MRPL48: variants seen among roughly 807,000 people sequenced by gnomAD.
MRPL48 encodes the protein mitochondrial ribosomal protein L48, also known as large ribosomal subunit protein mL48.
MRPL48 carries 16 observed loss-of-function variants against 32.9 expected under a neutral mutation model. That is an observed-to-expected ratio of 0.49 (90% confidence interval 0.33 to 0.74). MRPL48 has a LOEUF of 0.74. Among genes scored for constraint, MRPL48 ranks in the 30% least tolerant of loss-of-function variants. MRPL48 has a pLI of 0.02. For missense variants in MRPL48, 206 were observed against 245.3 expected (o/e 0.84, Z 1.07); for synonymous variants, 94 against 89.2 (o/e 1.05, Z -0.31).
chr11:73,836,595 T>C (rs543486015), intron 4 of MRPL48, among the ~76,000 whole-genome samples: 2 of 152,286 alleles, frequency 1.3e-5, no homozygotes, highest in African/African-American at 4.8e-5. Context: ...AACATATATA[T>C]TATTTAAGCC....
chr11:73,814,831 T>TA (rs769449475), intron 3 of MRPL48, among the ~76,000 whole-genome samples: 142 of 151,362 alleles, frequency 9.4e-4, no homozygotes, highest in African/African-American at 3.0e-3. Context: ...CTGTCTCTAC[T>TA]AAAAGTACAA....
At chr11:73,800,612 A>C (rs965915868) in intron 1 of MRPL48, among the ~76,000 whole-genome samples, 1 of 152,032 alleles carries the variant, frequency 6.6e-6, no homozygotes, top group Non-Finnish European at 1.5e-5. Flanking sequence ...TTCCACTTGC[A>C]GGGCCAGAGC....
intron 3 of MRPL48, among the ~76,000 whole-genome samples, chr11:73,822,581 T>C (rs1350514950): frequency 1.3e-5 from 2 of 152,208 alleles, no homozygotes; most frequent in Non-Finnish European, 2.9e-5. Context: ...GGATTGTAAA[T>C]GTGGAGAAGT....
At chr11:73,843,894 C>A (rs1016054985) in intron 4 of MRPL48, among the ~76,000 whole-genome samples, 3 of 152,018 alleles carry the variant, frequency 2.0e-5, no homozygotes, top group Non-Finnish European at 2.9e-5. Flanking sequence ...GTCTGGCCAA[C>A]CTTGGTAAAC....
At chr11:73,840,196 A>G (rs1948164366) in intron 4 of MRPL48, among the ~76,000 whole-genome samples, 1 of 152,144 alleles carries the variant, frequency 6.6e-6, no homozygotes, top group Non-Finnish European at 1.5e-5. Context: ...ATATACCATT[A>G]TAAAGTTAAA....
At chr11:73,861,265 A>G (rs1490242371) in intron 6 of MRPL48, among the ~76,000 whole-genome samples, 1 of 152,136 alleles carries the variant, frequency 6.6e-6, no homozygotes, top group African/African-American at 2.4e-5. Context: ...AATAGTTTGA[A>G]TGCTTTAGGT....
intron 3 of MRPL48, among the ~76,000 whole-genome samples, chr11:73,809,735 T>C (rs1377530387): frequency 6.6e-6 from 1 of 152,174 alleles, no homozygotes; most frequent in African/African-American, 2.4e-5. Context: ...ATGTGAGAAA[T>C]TTCAATGGAG....
At chr11:73,846,664 C>CTTT (rs111867247) in intron 5 of MRPL48, among the ~76,000 whole-genome samples, 1 of 144,120 alleles carries the variant, frequency 6.9e-6, no homozygotes, top group African/African-American at 2.5e-5. Flanking sequence ...CACCTCCTTT[C>CTTT]TTTTTTTTTT....
chr11:73,847,665 C>T (rs1948319194), intron 5 of MRPL48, among the ~76,000 whole-genome samples: 1 of 152,118 alleles, frequency 6.6e-6, no homozygotes, highest in South Asian at 2.1e-4. Flanking sequence ...AGGATGGTCT[C>T]AATCTCCTGA....
At chr11:73,791,948 C>T (rs566373289) in intron 1 of MRPL48, among the ~76,000 whole-genome samples, 3 of 152,184 alleles carry the variant, frequency 2.0e-5, no homozygotes, top group South Asian at 2.1e-4. Flanking sequence ...TTTTGAGACA[C>T]GGTCTCACTA....
At chr11:73,808,783 C>T (rs528310988) in intron 3 of MRPL48, among the ~76,000 whole-genome samples, 21 of 152,080 alleles carry the variant, frequency 1.4e-4, no homozygotes, top group Admixed American at 1.2e-3. Flanking sequence ...ATTAGCTGGG[C>T]GTGGTGGCAG....
intron 4 of MRPL48, chr11:73,832,682 C>T (rs1308443621): frequency 6.5e-6 from 1 of 153,518 alleles, no homozygotes; most frequent in Non-Finnish European, 1.5e-5. Flanking sequence ...CCAGATCGCC[C>T]TCACATCCAG....
At chr11:73,842,873 G>C (rs753583541) in intron 4 of MRPL48, 1 of 152,502 alleles carries the variant, frequency 6.6e-6, no homozygotes, top group East Asian at 1.9e-4. Context: ...GTGCAGTTGC[G>C]TGACCACGGC....
rs192908931 is a variant in MRPL48, at chr11:73,845,311, G to A, written c.371+335G>A. 7.2e-5 allele frequency among the ~76,000 whole-genome samples: 11 copies of A among 152,258 alleles called. No individual in the cohort carries two copies. The East Asian group carries it at 2.1e-3, about 29-fold the overall frequency. On this transcript the variant is annotated intron_variant, in intron 5 of 7. Transcript: ENST00000310614. ...GCTGGCCTCTTTCACTTAGTATAAT[G>A]TGTCTGACATTCTTTCATGTTTTTG...
chr11:73,813,371 AC>A (rs1947603239), intron 3 of MRPL48, among the ~76,000 whole-genome samples: 1 of 151,442 alleles, frequency 6.6e-6, no homozygotes, highest in Non-Finnish European at 1.5e-5. Context: ...ACAGGGTTTC[AC>A]CATGTTGGTC....
chr11:73,787,977 C>A lies in MRPL48; in HGVS notation c.6C>A (p.Ser2Arg). The stretch of plus-strand genomic sequence containing the variant: ...AGGCCGCGCAGCAGCAAAGGATGAG[C>A]GGAACCTTGGAAAAGGTAACGTAGA... Reference protein sequence around the residue: MSGTLEKVLCLR... With the variant: MRGTLEKVLCLR... Residue 2 changes from serine (S) to arginine (R), a missense_variant, in exon 1 of 8, where the codon AGC (serine) becomes AGA (arginine). Ser to Arg is a moderately radical substitution (Grantham distance 110). Coordinates refer to ENST00000310614, the MANE Select transcript of MRPL48 (RefSeq NM_016055.6). 1 of 1,605,614 alleles carries A rather than the reference C, an allele frequency of 6.2e-7. No homozygotes were observed.
At chr11:73,821,025 C>G in intron 3 of MRPL48, among the ~76,000 whole-genome samples, 1 of 152,050 alleles carries the variant, frequency 6.6e-6, no homozygotes, top group East Asian at 1.9e-4. Flanking sequence ...GAGAGGGTCT[C>G]GCTCTGTTGC....
chr11:73,802,814 C>T (rs1947382975), intron 1 of MRPL48, among the ~76,000 whole-genome samples: 1 of 152,068 alleles, frequency 6.6e-6, no homozygotes, highest in Non-Finnish European at 1.5e-5. Flanking sequence ...ATCCTCCTAC[C>T]TCAGCCTCCT....
At chr11:73,840,506 T>G (rs965082649) in intron 4 of MRPL48, among the ~76,000 whole-genome samples, 6 of 152,226 alleles carry the variant, frequency 3.9e-5, no homozygotes, top group Middle Eastern at 3.4e-3. Flanking sequence ...TTTTTTGTTT[T>G]TTGTTTTTTT....
Sources: gnomAD v4.1 joint callset for allele counts (sites outside exome capture counted in the v4.1 genomes callset) on GRCh38, gnomAD v4.1.1 for gene constraint, MANE v1.5 for transcripts, NCBI Gene and HGNC (gene_info 2026-07-23, HGNC 2026-07-21) for gene names.